DPP6: variants seen among roughly 807,000 people sequenced by gnomAD.
DPP6 encodes dipeptidyl peptidase like 6.
In DPP6, 69 loss-of-function variants were observed where a neutral mutation model predicts 122.6. That is an observed-to-expected ratio of 0.56 (90% CI 0.46 to 0.69). The LOEUF is 0.69. Among genes scored for constraint, DPP6 ranks in the 30% least tolerant of loss-of-function variants. DPP6 has a pLI of 0.00. For synonymous variants in DPP6, 418 were observed against 433.1 expected (o/e 0.97, Z 0.43); for missense variants, 928 against 1,116.9 (o/e 0.83, Z 2.41).
At chr7:153,965,162 C>T (rs1339628044) in intron 1 of DPP6, among the ~76,000 whole-genome samples, 1 of 151,844 alleles carries the variant, frequency 6.6e-6, no homozygotes, top group Non-Finnish European at 1.5e-5. Context: ...GTAACCGTGG[C>T]TCTTATCCAG....
At chr7:153,791,737 G>A in the DPP6 span, among the ~76,000 whole-genome samples, 1 of 152,080 alleles carries the variant, frequency 6.6e-6, no homozygotes, top group Admixed American at 6.6e-5. Context: ...CATTTTCAAT[G>A]CTATATATAA....
intron 1 of DPP6, among the ~76,000 whole-genome samples, chr7:154,085,886 C>T (rs1804376849): frequency 6.6e-6 from 1 of 152,152 alleles, no homozygotes; most frequent in African/African-American, 2.4e-5. Context: ...CACCATCATG[C>T]CTGGCTAATT....
intron 3 of DPP6, among the ~76,000 whole-genome samples, chr7:154,499,990 C>G (rs373181623): frequency 1.3e-5 from 2 of 152,186 alleles, no homozygotes; most frequent in Admixed American, 1.3e-4. Flanking sequence ...AGGGCCCTCT[C>G]TAAACACAAT....
At chr7:153,858,415 C>A in the DPP6 span, among the ~76,000 whole-genome samples, 2 of 152,212 alleles carry the variant, frequency 1.3e-5, no homozygotes, top group African/African-American at 4.8e-5. Context: ...ACACTTGTTT[C>A]TCCAGGGAAA....
intron 1 of DPP6, among the ~76,000 whole-genome samples, chr7:154,434,511 C>T (rs748025090): frequency 1.4e-4 from 21 of 152,076 alleles, no homozygotes; most frequent in Non-Finnish European, 2.8e-4. Context: ...CTGCATCTGA[C>T]GTGCTCTTCC....
intron 16 of DPP6, among the ~76,000 whole-genome samples, chr7:154,824,839 A>G (rs1800037324): frequency 6.6e-6 from 1 of 152,186 alleles, no homozygotes; most frequent in Admixed American, 6.5e-5. Flanking sequence ...AGGAATGGAA[A>G]TGAGTGAACC....
At chr7:154,240,515 A>G (rs562504566) in intron 1 of DPP6, among the ~76,000 whole-genome samples, 156 of 152,340 alleles carry the variant, frequency 1.0e-3, no homozygotes, top group African/African-American at 3.7e-3. Context: ...CAGCCAAGGC[A>G]AGAAAGAGTG....
At chr7:153,967,799 A>G (rs1175820488) in intron 1 of DPP6, among the ~76,000 whole-genome samples, 2 of 152,144 alleles carry the variant, frequency 1.3e-5, no homozygotes, top group African/African-American at 4.8e-5. Context: ...AGGAACAGGA[A>G]TCAGATGAGG....
At chr7:153,878,016 T>A in the DPP6 span, among the ~76,000 whole-genome samples, 1 of 152,114 alleles carries the variant, frequency 6.6e-6, no homozygotes, top group African/African-American at 2.4e-5. Flanking sequence ...ATAAAAGCTT[T>A]CCTTTTCACT....
chr7:153,781,509 C>T, the DPP6 span, among the ~76,000 whole-genome samples: 1 of 152,188 alleles, frequency 6.6e-6, no homozygotes, highest in African/African-American at 2.4e-5. Context: ...ACACTACTTA[C>T]ACTCTGTTCT....
the DPP6 span, among the ~76,000 whole-genome samples, chr7:153,796,623 T>G: frequency 6.6e-6 from 1 of 152,174 alleles, no homozygotes; most frequent in African/African-American, 2.4e-5. Context: ...TAATTTGTGC[T>G]AAAAATATAA....
chr7:154,264,686 T>C (rs1803261116), intron 1 of DPP6, among the ~76,000 whole-genome samples: 1 of 144,286 alleles, frequency 6.9e-6, no homozygotes, highest in African/African-American at 2.5e-5. Context: ...GATGATGGTG[T>C]TGATGATGAT....
chr7:154,222,777 C>T (rs1382629933), intron 1 of DPP6, among the ~76,000 whole-genome samples: 1 of 149,234 alleles, frequency 6.7e-6, no homozygotes, highest in Non-Finnish European at 1.5e-5. Context: ...CCTGATGAGC[C>T]CCTCCTCATG....
Position 154,879,620 on chromosome 7 carries a change from C to T in DPP6, c.2079-1268C>T, listed in dbSNP as rs1044367705. ...AAAAAAAAAAAAAAAACACAAAAAT[C>T]AGCCAGGTGTAATCCCAGCTACTCA... is the stretch of plus-strand genomic sequence containing the variant. On this transcript the variant is annotated intron_variant, in intron 20 of 25. Coordinates refer to ENST00000377770, the MANE Select transcript of DPP6 (RefSeq NM_130797.4). 2.7e-5 allele frequency among the ~76,000 whole-genome samples: 4 copies of T among 147,958 alleles called. 1 individual carries two copies. Among genetic ancestry groups the T allele is most frequent in the Admixed American group, 1.3e-4 (2 of 14,874 alleles).
At chr7:154,547,899 C>A (rs906485417) in intron 4 of DPP6, among the ~76,000 whole-genome samples, 1 of 152,146 alleles carries the variant, frequency 6.6e-6, no homozygotes, top group Non-Finnish European at 1.5e-5. Context: ...ACCACATAGA[C>A]CATGATTTTA....
chr7:153,879,713 T>C, the DPP6 span, among the ~76,000 whole-genome samples: 3 of 152,208 alleles, frequency 2.0e-5, no homozygotes, highest in Admixed American at 1.3e-4. Context: ...AAAAGTCATT[T>C]AACCACGTGT....
In DPP6 at chr7:154,138,409, T is replaced by C. The variant is rs1045657430; in HGVS notation, c.243+85346T>C. On this transcript the variant is annotated intron_variant, in intron 1 of 25. Transcript: ENST00000377770. ...GGAAAATCTCCAGATGCTCAAAGCT[T>C]GAGGAATGCTGGGATCAGGCAGGTA... is the stretch of plus-strand genomic sequence containing the variant. Among the ~76,000 whole-genome samples the C allele has an allele frequency of 2.5e-4, 38 of 152,296 alleles. No homozygotes were observed. In the Middle Eastern group the frequency reaches 0.014, roughly 55 times the overall value.
intron 15 of DPP6, among the ~76,000 whole-genome samples, chr7:154,805,965 C>A (rs545984578): frequency 6.6e-6 from 1 of 152,322 alleles, no homozygotes; most frequent in South Asian, 2.1e-4. Flanking sequence ...GGTGCCAATG[C>A]CTGTTGCCCC....
chr7:153,911,021 T>G (rs1052585652), intron 1 of DPP6, among the ~76,000 whole-genome samples: 1 of 152,136 alleles, frequency 6.6e-6, no homozygotes, highest in African/African-American at 2.4e-5. Flanking sequence ...AGAGTGATCG[T>G]TTTAGACACG....
Sources: allele counts gnomAD v4.1 joint callset (sites outside exome capture counted in the v4.1 genomes callset), GRCh38; gene constraint gnomAD v4.1.1; transcripts MANE v1.5; gene names NCBI Gene and HGNC (gene_info 2026-07-23, HGNC 2026-07-21).